Variants in FHIT observed in about 807,000 individuals in gnomAD.
FHIT encodes fragile histidine triad diadenosine triphosphatase.
A neutral mutation model predicts 17.9 loss-of-function variants in FHIT; 19 were observed. That is an observed-to-expected ratio of 1.06 (90% CI 0.74 to 1.56). The LOEUF is 1.56. Among genes scored for constraint, FHIT ranks in the 40% most tolerant of loss-of-function variants. The probability of loss-of-function intolerance (pLI) is 0.00; values close to 1 mark genes in which losing one functional copy is unlikely to be tolerated. For synonymous variants in FHIT, 81 were observed against 69.7 expected (o/e 1.16, Z -0.81); for missense variants, 248 against 189.2 (o/e 1.31, Z -1.82).
intron 5 of FHIT, among the ~76,000 whole-genome samples, chr3:60,295,722 A>T (rs974541413): frequency 1.3e-5 from 2 of 152,156 alleles, no homozygotes; most frequent in African/African-American, 2.4e-5. Context: ...AGAAACTACT[A>T]AACTGTCTAT....
At chr3:60,600,964 C>T (rs1457769549) in intron 4 of FHIT, among the ~76,000 whole-genome samples, 1 of 152,140 alleles carries the variant, frequency 6.6e-6, no homozygotes, top group South Asian at 2.1e-4. Context: ...TTGAGCTCCC[C>T]TTCCGGGCCC....
At chr3:61,025,678 A>G (rs1467691778) in intron 3 of FHIT, among the ~76,000 whole-genome samples, 1 of 151,998 alleles carries the variant, frequency 6.6e-6, no homozygotes, top group Non-Finnish European at 1.5e-5. Flanking sequence ...CCATCTACCA[A>G]GGAAGGGAGA....
intron 2 of FHIT, among the ~76,000 whole-genome samples, chr3:61,055,694 T>C (rs1575928168): frequency 6.6e-6 from 1 of 152,220 alleles, no homozygotes. Context: ...GAGCTCAGGA[T>C]CTGGGAGAAG....
chr3:60,438,560 T>G (rs1351414206), intron 5 of FHIT, among the ~76,000 whole-genome samples: 1 of 152,128 alleles, frequency 6.6e-6, no homozygotes, highest in African/African-American at 2.4e-5. Context: ...GTGCTGCATA[T>G]CCTTTGCTGT....
At chr3:59,970,500 T>G (rs1343937561) in intron 7 of FHIT, among the ~76,000 whole-genome samples, 2 of 152,080 alleles carry the variant, frequency 1.3e-5, no homozygotes, top group Non-Finnish European at 2.9e-5. Flanking sequence ...GCTGACAAAT[T>G]TATTTTGTCA....
Position 60,305,131 on chromosome 3 carries a change from C to CTT in FHIT, c.103+231727_103+231728dup, listed in dbSNP as rs145375404. ...AAAACACAGAATATTCCTTTTTGTT[C>CTT]TTTTTTTTTAAACTTTTATAACATG... On this transcript the variant is annotated intron_variant, in intron 5 of 9. Transcript: ENST00000492590. Among the ~76,000 whole-genome samples the CTT allele has an allele frequency of 4.0e-3, 603 of 151,238 alleles. 3 individuals carry two copies. Among genetic ancestry groups the CTT allele is most frequent in the African/African-American group, 0.014 (560 of 41,258 alleles).
At chr3:61,055,665 C>T (rs1255446136) in intron 2 of FHIT, among the ~76,000 whole-genome samples, 1 of 152,024 alleles carries the variant, frequency 6.6e-6, no homozygotes, top group African/African-American at 2.4e-5. Flanking sequence ...GTTAATCAAA[C>T]ACAGATGGTG....
chr3:60,358,270 C>T (rs1472894178), intron 5 of FHIT, among the ~76,000 whole-genome samples: 3 of 152,170 alleles, frequency 2.0e-5, no homozygotes, highest in Non-Finnish European at 2.9e-5. Flanking sequence ...GAGAACAATC[C>T]TTTCCAGCCA....
chr3:60,604,151 A>G (rs576917428), intron 4 of FHIT, among the ~76,000 whole-genome samples: 17 of 152,140 alleles, frequency 1.1e-4, no homozygotes, highest in Non-Finnish European at 2.4e-4. Flanking sequence ...AAATACAAGG[A>G]TTTACATTTA....
chr3:60,660,729 CTTTTTTTTTTT>C, intron 4 of FHIT, among the ~76,000 whole-genome samples: 3 of 37,278 alleles, frequency 8.0e-5, no homozygotes, highest in African/African-American at 2.5e-4. Context: ...TTATTGTGCT[CTTTTTTTTTTT>C]TTTTTTTTTT....
intron 4 of FHIT, among the ~76,000 whole-genome samples, chr3:60,676,132 C>T (rs571559507): frequency 1.3e-5 from 2 of 152,310 alleles, no homozygotes; most frequent in Admixed American, 6.5e-5. Context: ...AGCTGACGGA[C>T]AGGGCAATTC....
intron 5 of FHIT, among the ~76,000 whole-genome samples, chr3:60,432,517 T>G (rs1702953986): frequency 6.6e-6 from 1 of 152,094 alleles, no homozygotes; most frequent in African/African-American, 2.4e-5. Context: ...ATATAGCATT[T>G]TTATCTTAAC....
At chr3:60,422,077 A>G (rs1702493904) in intron 5 of FHIT, among the ~76,000 whole-genome samples, 1 of 152,114 alleles carries the variant, frequency 6.6e-6, no homozygotes, top group Non-Finnish European at 1.5e-5. Context: ...GCATTTTAAA[A>G]TTTCTGACCA....
At chr3:61,142,122 A>ATT (rs200645377) in intron 2 of FHIT, among the ~76,000 whole-genome samples, 16,380 of 149,658 alleles carry the variant, frequency 0.11, 1,253 homozygotes, top group Non-Finnish European at 0.12. Flanking sequence ...CTTAAAAAAA[A>ATT]TTTTTTTTTT....
chr3:61,224,190 G>C (rs1350083829), intron 1 of FHIT, among the ~76,000 whole-genome samples: 1 of 152,202 alleles, frequency 6.6e-6, no homozygotes, highest in Non-Finnish European at 1.5e-5. Flanking sequence ...GGGCCGTATA[G>C]TTCTAGTTCA....
At chr3:60,516,199 T>C (rs1351133529) in intron 5 of FHIT, among the ~76,000 whole-genome samples, 1 of 152,176 alleles carries the variant, frequency 6.6e-6, no homozygotes, top group Non-Finnish European at 1.5e-5. Context: ...TAATTCCAAG[T>C]TAGAACTAAG....
At chr3:61,080,155 A>G (rs1477324226) in intron 2 of FHIT, among the ~76,000 whole-genome samples, 1 of 152,190 alleles carries the variant, frequency 6.6e-6, no homozygotes, top group African/African-American at 2.4e-5. Context: ...TAATAAAACC[A>G]TATTTTTACT....
At chr3:60,356,631 C>T (rs991861123) in intron 5 of FHIT, among the ~76,000 whole-genome samples, 2 of 151,562 alleles carry the variant, frequency 1.3e-5, no homozygotes, top group African/African-American at 2.4e-5. Flanking sequence ...AACAGGCTTT[C>T]GGGAGAAGCT....
intron 7 of FHIT, among the ~76,000 whole-genome samples, chr3:60,008,593 C>T (rs1214348762): frequency 6.6e-6 from 1 of 152,172 alleles, no homozygotes; most frequent in Non-Finnish European, 1.5e-5. Context: ...TTGCTATTAC[C>T]ACTCAGCATG....
Sources: allele counts gnomAD v4.1 joint callset (sites outside exome capture counted in the v4.1 genomes callset), GRCh38; gene constraint gnomAD v4.1.1; transcripts MANE v1.5; gene names NCBI Gene and HGNC (gene_info 2026-07-23, HGNC 2026-07-21).